The following ZNF143 variants were observed in gnomAD, a reference collection of about 807,000 sequenced individuals.
ZNF143 encodes the protein SPH-binding factor.
Under a neutral mutation model 74.1 loss-of-function variants are expected in ZNF143, and 49 were observed. That is an observed-to-expected ratio of 0.66 (90% CI 0.53 to 0.84). The LOEUF is 0.84. ZNF143 is among the 40% of genes least tolerant of loss of function. ZNF143 has a pLI of 0.00. For synonymous variants in ZNF143, 304 were observed against 282.8 expected (o/e 1.07, Z -0.75); for missense variants, 637 against 793.4 (o/e 0.80, Z 2.37).
chr11:9,474,440 C>T (rs904154781), intron 4 of ZNF143, 110 bp from the exon 5 acceptor site: 2 of 1,061,790 alleles, frequency 1.9e-6, no homozygotes, highest in East Asian at 2.5e-5. Flanking sequence ...ACTCATGAAG[C>T]AAGTATAGAT....
intron 11 of ZNF143, among the ~76,000 whole-genome samples, chr11:9,504,617 G>T (rs1848285783): frequency 8.1e-6 from 1 of 123,200 alleles, no homozygotes. Flanking sequence ...TTTTATTACT[G>T]GTATTAAGAG....
At chr11:9,481,818 G>A (rs1419324937) in intron 7 of ZNF143, among the ~76,000 whole-genome samples, 7 of 149,992 alleles carry the variant, frequency 4.7e-5, no homozygotes, top group Admixed American at 2.7e-4. Flanking sequence ...AACCTGGGAG[G>A]TGGGGGTTGC....
intron 5 of ZNF143, among the ~76,000 whole-genome samples, chr11:9,477,169 T>TCCTTCCTC (rs1565029307): frequency 1.6e-5 from 2 of 126,760 alleles, no homozygotes; most frequent in African/African-American, 3.4e-5. Context: ...CTTCCTTCCT[T>TCCTTCCTC]CCTCCTCTCC....
In ZNF143 at chr11:9,512,557, T is replaced by G; in HGVS notation, c.1485T>G (p.Ser495Arg). The part of the protein sequence containing the change: ...QVATVTQSGL[S>R]QQVTLISQDG... ...CCACAGTAACCCAATCTGGACTGAG[T>G]CAACAAGTTACACTCATATCCCAGG... The change falls in exon 13 of 16, where the codon AGT becomes AGG. Residue 495 changes from serine to arginine, a missense_variant. By Grantham distance (110) the Ser-to-Arg change is moderately radical. This residue lies in a region of ZNF143 where 344 missense variants were observed against 485.6 expected (regional missense o/e 0.71). Transcript: ENST00000396602. 6.2e-7 allele frequency: 1 copy of G among 1,614,210 alleles called. No homozygotes were observed. The highest frequency in any genetic ancestry group is 8.5e-7 in the Non-Finnish European group (1 of 1,180,036).
chr11:9,502,868 CTT>C (rs1848217253), intron 11 of ZNF143, among the ~76,000 whole-genome samples: 1 of 151,992 alleles, frequency 6.6e-6, no homozygotes, highest in Non-Finnish European at 1.5e-5. Context: ...ACTTCGTTCT[CTT>C]TGCATAATGG....
chr11:9,485,575 G>A lies in ZNF143; in HGVS notation c.645+6029G>A, dbSNP rs968795918. ...GTTGGCCAGGCTGGTCTGAACTCCT[G>A]CCCTCAAGTGATCCACCTGGCTTGG... On this transcript the variant is annotated intron_variant, in intron 7 of 15. Transcript: ENST00000396602. Among the ~76,000 whole-genome samples, 2 of 151,276 alleles carry A rather than the reference G, an allele frequency of 1.3e-5. 1 individual carries two copies. Among genetic ancestry groups the A allele is most frequent in the African/African-American group, 4.9e-5 (2 of 40,690 alleles).
intron 13 of ZNF143, among the ~76,000 whole-genome samples, chr11:9,515,976 C>T (rs1848709593): frequency 6.6e-6 from 1 of 151,776 alleles, no homozygotes; most frequent in Admixed American, 6.6e-5. Context: ...CAGAGTGAGG[C>T]CTTGTCTCCA....
Position 9,512,324 on chromosome 11 carries a change from C to T in ZNF143, c.1376-124C>T, listed in dbSNP as rs1353833319. On this transcript the variant is annotated intron_variant, in intron 12 of 15. Coordinates refer to ENST00000396602, the MANE Select transcript of ZNF143 (RefSeq NM_003442.6). Reference sequence around the variant, plus strand: ...GGAAGGAGGTCCTGGAAGCCATTTTCGTGACTTAGAATATAATACATGTAC... The same window carrying T: ...GGAAGGAGGTCCTGGAAGCCATTTTTGTGACTTAGAATATAATACATGTAC... 9 of 1,258,980 alleles carry T rather than the reference C, an allele frequency of 7.1e-6. No individual in the cohort carries two copies. In the East Asian group the frequency reaches 7.8e-5, roughly 11 times the overall value. The allele number at this position is 1,258,980 out of a possible 1,614,324, so 78.0% of individuals were successfully genotyped here.
chr11:9,520,323 A>ATTTTTTTTTT (rs984661960), intron 14 of ZNF143, among the ~76,000 whole-genome samples: 2 of 122,424 alleles, frequency 1.6e-5, no homozygotes, highest in African/African-American at 6.3e-5. Context: ...TGCCTGTCCA[A>ATTTTTTTTTT]TTTTTTTTTT....
chr11:9,494,356 A>C (rs1565046002), intron 7 of ZNF143, among the ~76,000 whole-genome samples: 1 of 152,176 alleles, frequency 6.6e-6, no homozygotes. Flanking sequence ...CCCAGGCTGG[A>C]GTGCAATGGT....
intron 14 of ZNF143, among the ~76,000 whole-genome samples, chr11:9,524,560 A>G (rs931228971): frequency 4.5e-4 from 68 of 152,330 alleles, no homozygotes; most frequent in Middle Eastern, 3.4e-3. Flanking sequence ...CTTTCTCTGA[A>G]TTTGGCTGAG....
Position 9,494,757 on chromosome 11 carries a change from C to G in ZNF143, c.757C>G (p.His253Asp), listed in dbSNP as rs1847901903. 2 of 1,607,860 alleles carry G rather than the reference C, an allele frequency of 1.2e-6. No homozygotes were observed. The highest frequency in any genetic ancestry group is 1.7e-6 in the Non-Finnish European group (2 of 1,174,660). The stretch of plus-strand genomic sequence containing the variant: ...TGGAAAATTATATACAACAGCTCAT[C>G]ATCTCAAGGTATATATAAAAGAAAT... ...GCGKLYTTAH[H>D]LKVHERSHTG... The change falls in exon 8 of 16, where the codon CAT becomes GAT. Residue 253 changes from histidine (H) to aspartate (D), a missense_variant. Transcript: ENST00000396602.
intron 10 of ZNF143, among the ~76,000 whole-genome samples, chr11:9,500,152 G>A (rs547591709): frequency 6.6e-6 from 1 of 152,094 alleles, no homozygotes; most frequent in East Asian, 1.9e-4. Flanking sequence ...TCGCCATGTT[G>A]CCCAGGCTGG....
chr11:9,469,927 A>G (rs10840245), intron 1 of ZNF143, among the ~76,000 whole-genome samples: 51,631 of 152,156 alleles, frequency 0.34, 10,004 homozygotes, highest in Non-Finnish European at 0.44. Context: ...ATGAAGGTAC[A>G]GTTTATAGTA....
chr11:9,478,425 C>G lies in ZNF143; in HGVS notation c.409C>G (p.Leu137Val). ...YDQSALQAVQ[L>V]EDGTTAYIHH... The stretch of plus-strand genomic sequence containing the variant: ...CCAGAGTGCATTACAGGCGGTTCAG[C>G]TGGAAGATGGTACCACAGCTTATAT... The change falls in exon 6 of 16, where the codon CTG becomes GTG. Residue 137 changes from leucine (L) to valine (V), a missense_variant. Around this residue, in one of 2 missense-constraint regions of ZNF143, gnomAD observed 293 missense variants for 307.8 expected, o/e 0.95. Coordinates refer to ENST00000396602, the MANE Select transcript of ZNF143 (RefSeq NM_003442.6). The G allele has an allele frequency of 6.2e-7, 1 of 1,614,128 alleles. No homozygotes were observed. The highest frequency in any genetic ancestry group is 8.5e-7 in the Non-Finnish European group (1 of 1,179,998).
At chr11:9,504,505 C>A (rs1248455702) in intron 11 of ZNF143, among the ~76,000 whole-genome samples, 1 of 125,180 alleles carries the variant, frequency 8.0e-6, no homozygotes, top group Non-Finnish European at 1.9e-5. Context: ...AATTTTAATG[C>A]TCCATTTTGT....
intron 7 of ZNF143, among the ~76,000 whole-genome samples, chr11:9,483,288 CTTTTTTTT>C (rs58704619): frequency 1.8e-4 from 9 of 50,206 alleles, no homozygotes; most frequent in East Asian, 4.7e-4. Flanking sequence ...GCCAACATGC[CTTTTTTTT>C]TTTTTTTTTT....
intron 5 of ZNF143, among the ~76,000 whole-genome samples, chr11:9,475,520 GTCC>G (rs1590517109): frequency 1.3e-5 from 2 of 152,160 alleles, no homozygotes; most frequent in Admixed American, 1.3e-4. Flanking sequence ...GCCTCAAGCA[GTCC>G]TCCTGCTCCG....
intron 7 of ZNF143, among the ~76,000 whole-genome samples, chr11:9,483,517 C>T (rs368551636): frequency 5.3e-5 from 8 of 149,600 alleles, no homozygotes; most frequent in East Asian, 2.0e-4. Flanking sequence ...AGGCTGGTCT[C>T]GAACTCCTGA....
Sources: gnomAD v4.1 joint callset for allele counts (sites outside exome capture counted in the v4.1 genomes callset) on GRCh38, gnomAD v4.1.1 for gene constraint, gnomAD v4.1.1 regional missense constraint, MANE v1.5 for transcripts, NCBI Gene and HGNC (gene_info 2026-07-23, HGNC 2026-07-21) for gene names.